The following EMC3 variants were observed in gnomAD, a reference collection of about 807,000 sequenced individuals.
The protein encoded by EMC3 is 30 kDa protein.
Under a neutral mutation model 36.6 loss-of-function variants are expected in EMC3, and 13 were observed. The observed-to-expected ratio is 0.35, with a 90% CI of 0.23 to 0.56. The LOEUF (loss-of-function observed/expected upper bound fraction) is 0.56. Among genes scored for constraint, EMC3 ranks in the 20% least tolerant of loss-of-function variants. The pLI, the probability that EMC3 is intolerant of heterozygous loss-of-function variation, is 0.84. For synonymous variants in EMC3, 120 were observed against 111.9 expected (o/e 1.07, Z -0.46); for missense variants, 220 against 324.5 (o/e 0.68, Z 2.47).
intron 7 of EMC3, chr3:9,969,472 A>G (rs1486977720): frequency 2.2e-5 from 31 of 1,383,700 alleles, no homozygotes; most frequent in Non-Finnish European, 2.8e-5. Context: ...ATTATTTTAC[A>G]GCATCATTGA....
intron 1 of EMC3, chr3:10,003,746 T>C (rs1248542375): frequency 6.0e-6 from 1 of 167,206 alleles, no homozygotes; most frequent in African/African-American, 2.4e-5. Flanking sequence ...ACACCAGTTA[T>C]TTATTTAGTA....
rs376317904 is a variant in EMC3 at position 9,997,691 on chromosome 3, C to T, written c.-241-10789G>A. Among the ~76,000 whole-genome samples the T allele has an allele frequency of 2.6e-5, 4 of 151,936 alleles. No individual in the cohort carries two copies. The East Asian group carries it at 7.8e-4, about 30-fold the overall frequency. ...GCCAGGCTGGTCTCAAACGGCTGAC[C>T]TCAGGTAATCCACCCTCCTCGGCCT... On this transcript the variant is annotated intron_variant, in intron 1 of 8. Transcript: ENST00000470827.
intron 1 of EMC3, among the ~76,000 whole-genome samples, chr3:9,983,628 C>G (rs917722247): frequency 6.6e-6 from 1 of 151,656 alleles, no homozygotes; most frequent in Non-Finnish European, 1.5e-5. Flanking sequence ...GCCAAGATTG[C>G]GCCACTGCAC....
chr3:9,977,291 C>T lies in EMC3; in HGVS notation c.213+98G>A, dbSNP rs142398798. On this transcript the variant is annotated intron_variant, in intron 2 of 7. Transcript: ENST00000245046. ...GGCCACAGCTTAATTACTAAGTTGC[C>T]AACCTTTAGCTTTCCCCAGAGCCCC... The T allele has an allele frequency of 2.9e-4, 345 of 1,189,732 alleles. 1 individual carries two copies. In the African/African-American group the frequency reaches 4.7e-3, roughly 16 times the overall value. The allele number at this position is 1,189,732 out of a possible 1,614,324, so 73.7% of individuals were successfully genotyped here.
At chr3:10,004,554 A>C (rs2086243041) in intron 1 of EMC3, 1 of 152,180 alleles carries the variant, frequency 6.6e-6, no homozygotes, top group South Asian at 2.1e-4. Context: ...CTTTCACTGA[A>C]GCGGGCTCAT....
At position 9,963,988 on chromosome 3, in the gene EMC3, TC is replaced by T; in HGVS notation, c.*80del. On this transcript the variant is annotated 3_prime_UTR_variant, in exon 8 of 8. Transcript: ENST00000245046. ...CAGCTCGTGCATCCTCCTTTTTATT[TC>T]AAGAGGTGCCAGCTCCAAACAAAGT... The T allele has an allele frequency of 6.4e-7, 1 of 1,570,000 alleles. No homozygotes were observed. Among genetic ancestry groups the T allele is most frequent in the Non-Finnish European group, 8.6e-7 (1 of 1,157,712 alleles).
chr3:9,990,435 A>G (rs2086035198), upstream of EMC3, among the ~76,000 whole-genome samples: 1 of 146,654 alleles, frequency 6.8e-6, no homozygotes, highest in African/African-American at 2.6e-5. Context: ...CCCGGGTTCA[A>G]GCGATCCCCC....
intron 1 of EMC3, among the ~76,000 whole-genome samples, chr3:9,984,058 C>T (rs933849184): frequency 6.6e-6 from 1 of 151,956 alleles, no homozygotes; most frequent in African/African-American, 2.4e-5. Context: ...TTTCTACAGC[C>T]CTTCTTTCTG....
chr3:10,009,128 T>A (rs2086297120), intron 1 of EMC3: 5 of 152,192 alleles, frequency 3.3e-5, no homozygotes, highest in Admixed American at 3.3e-4. Context: ...TACCTCCCAG[T>A]TCCGGCTCCG....
At position 10,001,541 on chromosome 3, in the gene EMC3, G is replaced by T. The variant is rs180971451; in HGVS notation, c.-242+9482C>A. Among the ~76,000 whole-genome samples, 254 of 151,302 alleles carry T rather than the reference G, an allele frequency of 1.7e-3. 3 individuals are homozygous for T. The East Asian group carries it at 0.041, about 24-fold the overall frequency. On this transcript the variant is annotated intron_variant, in intron 1 of 8. Transcript: ENST00000470827. ...TGCAGTGAGCCGAGATTGTGCCACTGCACTCCAGCCTGGATGACAGAGCAA... is the reference window on the plus strand; with the variant it reads ...TGCAGTGAGCCGAGATTGTGCCACTTCACTCCAGCCTGGATGACAGAGCAA...
intron 1 of EMC3, among the ~76,000 whole-genome samples, chr3:9,980,933 G>C (rs894451649): frequency 3.3e-5 from 5 of 152,112 alleles, no homozygotes; most frequent in African/African-American, 1.2e-4. Flanking sequence ...GGTGGCTCTC[G>C]CCTGTAATCT....
intron 1 of EMC3, among the ~76,000 whole-genome samples, chr3:10,006,238 C>G (rs974413280): frequency 2.0e-5 from 3 of 152,362 alleles, no homozygotes; most frequent in African/African-American, 7.2e-5. Context: ...GCTGTGACGT[C>G]AGCCTGCTCG....
chr3:9,971,191 G>A (rs537926970), intron 5 of EMC3, among the ~76,000 whole-genome samples: 5 of 152,220 alleles, frequency 3.3e-5, no homozygotes, highest in African/African-American at 1.2e-4. Flanking sequence ...CCAAAGTGCT[G>A]GGATTACAGG....
chr3:10,001,405 C>CA (rs60785369), intron 1 of EMC3, among the ~76,000 whole-genome samples: 909 of 79,602 alleles, frequency 0.011, 7 homozygotes, highest in East Asian at 0.052. Flanking sequence ...GCTAAAAATA[C>CA]AAAAAAAAAA....
chr3:10,000,218 T>C (rs1190022310), intron 1 of EMC3, among the ~76,000 whole-genome samples: 1 of 152,054 alleles, frequency 6.6e-6, no homozygotes, highest in African/African-American at 2.4e-5. Context: ...TTTGTATTTT[T>C]AGTAGAGACG....
chr3:10,008,199 C>T (rs1191232437), intron 1 of EMC3: 3 of 361,504 alleles, frequency 8.3e-6, no homozygotes, highest in Non-Finnish European at 1.7e-5. Context: ...TGTGAGAGGG[C>T]ACATTCCCCA....
chr3:9,968,158 G>T (rs1350717430), intron 7 of EMC3, among the ~76,000 whole-genome samples: 1 of 152,210 alleles, frequency 6.6e-6, no homozygotes, highest in Non-Finnish European at 1.5e-5. Context: ...TTGACGTTGT[G>T]ATCTGCCCAC....
intron 1 of EMC3, among the ~76,000 whole-genome samples, chr3:9,979,874 G>A (rs1186364514): frequency 3.3e-5 from 5 of 152,100 alleles, no homozygotes; most frequent in Non-Finnish European, 4.4e-5. Flanking sequence ...CAAAAGCCTC[G>A]TAGAAGTAAA....
chr3:9,992,151 C>T (rs183218583), intron 1 of EMC3, among the ~76,000 whole-genome samples: 6 of 151,804 alleles, frequency 4.0e-5, no homozygotes, highest in Middle Eastern at 3.4e-3. Flanking sequence ...GACAGAGTCT[C>T]GCTGTGTCAC....
Sources: allele counts gnomAD v4.1 joint callset (sites outside exome capture counted in the v4.1 genomes callset), GRCh38; gene constraint gnomAD v4.1.1; transcripts MANE v1.5; gene names NCBI Gene and HGNC (gene_info 2026-07-23, HGNC 2026-07-21).